Variants in TFDP1 observed in about 807,000 individuals in gnomAD.
The protein encoded by TFDP1 is DRTF1-polypeptide 1.
TFDP1 carries 6 observed loss-of-function variants against 48.0 expected under a neutral mutation model. That is an observed-to-expected ratio of 0.13 (90% CI 0.07 to 0.25). The LOEUF is 0.25. Among genes scored for constraint, TFDP1 ranks in the 10% least tolerant of loss-of-function variants. TFDP1 has a pLI of 1.00. For missense variants in TFDP1, 335 were observed against 543.0 expected (o/e 0.62, Z 3.81); for synonymous variants, 201 against 211.6 (o/e 0.95, Z 0.44).
intron 2 of TFDP1, among the ~76,000 whole-genome samples, chr13:113,604,160 CAAAAAAAA>C: frequency 9.6e-6 from 1 of 104,496 alleles, no homozygotes; most frequent in East Asian, 2.8e-4. Flanking sequence ...CAGCCTGTCT[CAAAAAAAA>C]AAAAAAAAAA....
chr13:113,633,067 G>C lies in TFDP1; in HGVS notation c.309-53G>C, dbSNP rs184057010. The C allele has an allele frequency of 4.7e-5, 75 of 1,609,182 alleles. No homozygotes were observed. In the Middle Eastern group the frequency reaches 6.6e-4, roughly 14 times the overall value. ...CAGGTAAAAGCATTCCTCGATTCAG[G>C]CTGATCCTCAGGAGGGCTGACAGTC... On this transcript the variant is annotated intron_variant, in intron 5 of 11. Coordinates refer to ENST00000375370, the MANE Select transcript of TFDP1 (RefSeq NM_007111.5). The surrounding 1 kb of genome is among the most constrained non-coding windows in gnomAD (Gnocchi z 4.5).
At chr13:113,594,744 C>G (rs1019346555) in intron 2 of TFDP1, among the ~76,000 whole-genome samples, 2 of 152,210 alleles carry the variant, frequency 1.3e-5, no homozygotes, top group Non-Finnish European at 2.9e-5. Context: ...GCTTTTCTGT[C>G]GCAGTTGCTT....
chr13:113,606,231 C>T (rs1429731708), intron 2 of TFDP1, among the ~76,000 whole-genome samples: 2 of 134,212 alleles, frequency 1.5e-5, no homozygotes, highest in African/African-American at 2.8e-5. Flanking sequence ...GTTGGAAGGC[C>T]GCGTGGTGGT....
chr13:113,640,111 G>C lies in TFDP1; in HGVS notation c.1086-9G>C, dbSNP rs1484556318. ...GCACTGACGGCGCCATCCGCCTCCT[G>C]CCTTGCAGTGACCTGACCAACGGTG... On this transcript the variant is annotated splice_polypyrimidine_tract_variant and intron_variant, in intron 11 of 11. Coordinates refer to ENST00000375370, the MANE Select transcript of TFDP1 (RefSeq NM_007111.5). The C allele has an allele frequency of 6.3e-7, 1 of 1,590,932 alleles. No homozygotes were observed. Among genetic ancestry groups the C allele is most frequent in the South Asian group, 1.1e-5 (1 of 87,144 alleles).
intron 3 of TFDP1, among the ~76,000 whole-genome samples, chr13:113,612,591 A>G (rs940832222): frequency 2.0e-5 from 3 of 152,192 alleles, no homozygotes; most frequent in Non-Finnish European, 4.4e-5. Context: ...CAGAAATAAC[A>G]ATAAAAAAGT....
chr13:113,586,057 A>T (rs772631980), intron 2 of TFDP1: 88 of 492,886 alleles, frequency 1.8e-4, no homozygotes, highest in Non-Finnish European at 2.7e-4. Context: ...GTGGCCTTGG[A>T]TACCACACTG....
At chr13:113,634,252 T>G (rs557314165) in intron 7 of TFDP1, 13 of 696,892 alleles carry the variant, frequency 1.9e-5, no homozygotes, top group Non-Finnish European at 3.3e-5. Context: ...AACTCTAGTG[T>G]AGGTTAATTC....
chr13:113,608,801 G>C (rs1376428227), intron 2 of TFDP1, among the ~76,000 whole-genome samples: 3 of 152,128 alleles, frequency 2.0e-5, no homozygotes, highest in Admixed American at 6.6e-5. Context: ...TCTCCTGTGG[G>C]TTCTAGCCCA....
chr13:113,629,870 G>A (rs558883425), intron 4 of TFDP1, among the ~76,000 whole-genome samples: 2 of 152,314 alleles, frequency 1.3e-5, no homozygotes, highest in South Asian at 4.1e-4. Context: ...AGTGCCTTGC[G>A]TGGTCCTGGG....
chr13:113,600,739 C>G (rs1305093080), intron 2 of TFDP1, among the ~76,000 whole-genome samples: 1 of 143,934 alleles, frequency 6.9e-6, no homozygotes, highest in Non-Finnish European at 1.5e-5. Context: ...GAGAGAGAAC[C>G]CTCACGTAGG....
chr13:113,616,613 C>T (rs2048865788), intron 3 of TFDP1, among the ~76,000 whole-genome samples: 1 of 152,174 alleles, frequency 6.6e-6, no homozygotes, highest in Admixed American at 6.5e-5. Flanking sequence ...TCTTTACTTT[C>T]CTCCTGCTTC....
chr13:113,628,492 G>A (rs1212006554), intron 4 of TFDP1, among the ~76,000 whole-genome samples: 2 of 152,180 alleles, frequency 1.3e-5, no homozygotes, highest in South Asian at 2.1e-4. Flanking sequence ...CAGAGAAGCC[G>A]CTGTTAAATC....
At chr13:113,622,954 G>A (rs892980951) in intron 3 of TFDP1, among the ~76,000 whole-genome samples, 1 of 152,270 alleles carries the variant, frequency 6.6e-6, no homozygotes, top group Admixed American at 6.5e-5. Flanking sequence ...ATCTGCCTGG[G>A]TCACCTGGGT....
chr13:113,601,342 G>A (rs1414323897), intron 2 of TFDP1, among the ~76,000 whole-genome samples: 1 of 152,256 alleles, frequency 6.6e-6, no homozygotes, highest in Non-Finnish European at 1.5e-5. Context: ...AACTCACCCG[G>A]CTGCTGGTGG....
chr13:113,585,727 CT>C, intron 1 of TFDP1, 46 bp from the exon 2 acceptor site: 1 of 1,179,982 alleles, frequency 8.5e-7, no homozygotes, highest in Non-Finnish European at 1.2e-6. Flanking sequence ...GTTTTTCATT[CT>C]TACTTATTTC....
Position 113,623,076 on chromosome 13 carries a change from TA to T in TFDP1, c.80-102del. 1.0e-6 allele frequency: 1 copy of T among 976,118 alleles called. No individual in the cohort carries two copies. 60.5% of individuals were successfully genotyped at this position (976,118 alleles called of 1,614,324 possible). On this transcript the variant is annotated intron_variant, in intron 3 of 11. Transcript: ENST00000375370. The surrounding 1 kb of genome is among the most constrained non-coding windows in gnomAD (Gnocchi z 5.2). Reference sequence around the variant, plus strand: ...TTGAGACAGTACACGTGGGGAAAGCTAAGCATCTCTAATTGCAAGCACCGTC... The same window carrying T: ...TTGAGACAGTACACGTGGGGAAAGCTAGCATCTCTAATTGCAAGCACCGTC...
chr13:113,616,728 G>A (rs990476383), intron 3 of TFDP1, among the ~76,000 whole-genome samples: 4 of 152,116 alleles, frequency 2.6e-5, no homozygotes, highest in African/African-American at 7.2e-5. Flanking sequence ...ACTCGTGACC[G>A]TCGCCTGTGA....
intron 2 of TFDP1, among the ~76,000 whole-genome samples, chr13:113,602,168 A>C (rs1324911181): frequency 1.2e-5 from 1 of 80,496 alleles, no homozygotes; most frequent in South Asian, 4.8e-4. Context: ...GGAGTTACCC[A>C]CAGGAGTCGA....
rs2048344075 is a variant in TFDP1, at chr13:113,598,790, C to T, written c.13-12206C>T. 6.6e-6 allele frequency among the ~76,000 whole-genome samples: 1 copy of T among 152,206 alleles called. No homozygotes were observed. The highest frequency in any genetic ancestry group is 1.5e-5 in the Non-Finnish European group (1 of 68,042). On this transcript the variant is annotated intron_variant, in intron 2 of 11. Coordinates refer to ENST00000375370, the MANE Select transcript of TFDP1 (RefSeq NM_007111.5). The surrounding 1 kb of genome is among the most constrained non-coding windows in gnomAD (Gnocchi z 4.2). ...TCTGTGGCCGCCGTCCCTCTGTCCG[C>T]TCGGGGTAGCCAGCTTCCTCTGACT...
Sources: allele counts gnomAD v4.1 joint callset (sites outside exome capture counted in the v4.1 genomes callset), GRCh38; gene constraint gnomAD v4.1.1; non-coding constraint Gnocchi (gnomAD v3.1); transcripts MANE v1.5; gene names NCBI Gene and HGNC (gene_info 2026-07-23, HGNC 2026-07-21).